The following ANKDD1B variants were observed in gnomAD, a reference collection of about 807,000 sequenced individuals.
The protein encoded by ANKDD1B is ankyrin repeat and death domain containing 1B.
In ANKDD1B, 57 loss-of-function variants were observed where a neutral mutation model predicts 59.7. That is an observed-to-expected ratio of 0.95 (90% CI 0.77 to 1.19). The LOEUF is 1.19. Among genes scored for constraint, ANKDD1B ranks in the 50% most tolerant of loss-of-function variants. ANKDD1B has a pLI of 0.00. For missense variants in ANKDD1B, 602 were observed against 641.9 expected, an observed-to-expected ratio of 0.94 and a Z score of 0.67; for synonymous variants, 216 against 239.5, an observed-to-expected ratio of 0.90 and a Z score of 0.91.
intron 10 of ANKDD1B, among the ~76,000 whole-genome samples, chr5:75,662,408 C>T (rs566335461): frequency 2.6e-5 from 4 of 152,252 alleles, no homozygotes; most frequent in African/African-American, 9.6e-5. Context: ...GTGGGAATCG[C>T]ACTTGTTGCA....
intron 7 of ANKDD1B, among the ~76,000 whole-genome samples, chr5:75,639,238 C>A (rs1178807359): frequency 6.6e-6 from 1 of 152,072 alleles, no homozygotes; most frequent in African/African-American, 2.4e-5. Context: ...CTCTTGTTGC[C>A]CAGGCGGGAG....
intron 10 of ANKDD1B, 85 bp from the exon 11 acceptor site, chr5:75,663,309 T>C (rs1294325430): frequency 9.8e-7 from 1 of 1,015,254 alleles, no homozygotes; most frequent in Non-Finnish European, 1.5e-6. Flanking sequence ...GAATCAAGAT[T>C]TGAACCGAGG....
rs532123521 is a variant in ANKDD1B at position 75,655,967 on chromosome 5, T to C, written c.898-62T>C. ...GGAAATAGCTGCTGAAATGAGTTGC[T>C]TTTTGATTTGAATGTTGAAGCCAGA... is the stretch of plus-strand genomic sequence containing the variant. On this transcript the variant is annotated intron_variant, in intron 8 of 13. Coordinates refer to ENST00000601380, the MANE Select transcript of ANKDD1B (RefSeq NM_001276713.2). 1.4e-5 allele frequency: 11 copies of C among 763,444 alleles called. No individual in the cohort carries two copies. The East Asian group carries it at 2.7e-4, about 19-fold the overall frequency. 47.3% of individuals were successfully genotyped at this position (763,444 alleles called of 1,614,324 possible).
intron 3 of ANKDD1B, among the ~76,000 whole-genome samples, chr5:75,622,462 G>C (rs1338019528): frequency 6.6e-6 from 1 of 152,162 alleles, no homozygotes; most frequent in Non-Finnish European, 1.5e-5. Context: ...TACCATTCAA[G>C]GCACTGCATG....
chr5:75,654,803 C>G (rs1378058628), intron 8 of ANKDD1B, among the ~76,000 whole-genome samples: 1 of 152,130 alleles, frequency 6.6e-6, no homozygotes, highest in African/African-American at 2.4e-5. Flanking sequence ...GCGACGCTGC[C>G]CTTGTCCTAA....
At chr5:75,652,840 C>A (rs187663177) in intron 7 of ANKDD1B, among the ~76,000 whole-genome samples, 4 of 152,224 alleles carry the variant, frequency 2.6e-5, no homozygotes. Flanking sequence ...GTGTACTTAC[C>A]CAAACCTAGA....
Position 75,620,418 on chromosome 5 carries a change from G to T in ANKDD1B, c.396+5G>T, listed in dbSNP as rs1269929501. On this transcript the variant is annotated splice_donor_5th_base_variant and intron_variant, in intron 3 of 13. Transcript: ENST00000601380. Reference sequence around the variant, plus strand: ...AGGGTGGATGTTGCTGATAAGGTAAGCTCATCTTGAGTAGAACAAGTTGGA... The same window carrying T: ...AGGGTGGATGTTGCTGATAAGGTAATCTCATCTTGAGTAGAACAAGTTGGA... The T allele has an allele frequency of 3.3e-6, 5 of 1,505,292 alleles. No individual in the cohort carries two copies. The highest frequency in any genetic ancestry group is 3.6e-6 in the Non-Finnish European group (4 of 1,119,712). 93.2% of individuals were successfully genotyped at this position (1,505,292 alleles called of 1,614,324 possible).
chr5:75,635,948 A>G, intron 7 of ANKDD1B, 66 bp downstream of exon 7: 1 of 1,016,930 alleles, frequency 9.8e-7, no homozygotes, highest in South Asian at 1.6e-5. Context: ...ATGGCTTTCA[A>G]GAAAAGAGTG....
chr5:75,633,075 G>T lies in ANKDD1B; in HGVS notation c.601-1823G>T, dbSNP rs527813007. Among the ~76,000 whole-genome samples the T allele has an allele frequency of 5.9e-5, 9 of 152,298 alleles. No individual in the cohort carries two copies. In the South Asian group the frequency reaches 1.9e-3, roughly 32 times the overall value. ...CAGATATTGATATATCAAACACAAT[G>T]ATTTTTGGTCTGTCATTTCCAAAGA... On this transcript the variant is annotated intron_variant, in intron 5 of 13. Transcript: ENST00000601380.
rs889071082 is a variant in ANKDD1B, at chr5:75,655,983, T to C, written c.898-46T>C. 9.1e-6 allele frequency: 8 copies of C among 876,676 alleles called. No homozygotes were observed. In the African/African-American group the frequency reaches 1.4e-4, roughly 15 times the overall value. 54.3% of individuals were successfully genotyped at this position (876,676 alleles called of 1,614,324 possible). A position where few individuals can be genotyped will look rare whatever the true frequency, so the allele number is the denominator to read the frequency against. On this transcript the variant is annotated intron_variant, in intron 8 of 13. Coordinates refer to ENST00000601380, the MANE Select transcript of ANKDD1B (RefSeq NM_001276713.2). ...ATGAGTTGCTTTTTGATTTGAATGTTGAAGCCAGAACCTTCTGGATTTGAA... is the reference window on the plus strand; with the variant it reads ...ATGAGTTGCTTTTTGATTTGAATGTCGAAGCCAGAACCTTCTGGATTTGAA...
At position 75,635,791 on chromosome 5, in the gene ANKDD1B, A is replaced by T; in HGVS notation, c.707A>T (p.Asn236Ile). Residue 236 changes from asparagine (N) to isoleucine (I), a missense_variant, in exon 7 of 14, where the codon AAC (asparagine) becomes ATC (isoleucine). By Grantham distance (149) the Asn-to-Ile change is moderately radical (BLOSUM62 -3). Around this residue, in one of 3 missense-constraint regions of ANKDD1B, gnomAD observed 317 missense variants for 304.6 expected, o/e 1.04. Coordinates refer to ENST00000601380, the MANE Select transcript of ANKDD1B (RefSeq NM_001276713.2). ...AGTGTGTCTCTGTTGCAGGGGGGAA[A>T]CACTGCCTTGCACCTCGCTGCGAAG... is the stretch of plus-strand genomic sequence containing the variant. ...LHTSEKDKGG[N>I]TALHLAAKHG... The T allele has an allele frequency of 1.3e-6, 2 of 1,529,834 alleles. No homozygotes were observed. Among genetic ancestry groups the T allele is most frequent in the Non-Finnish European group, 1.8e-6 (2 of 1,141,952 alleles). 94.8% of individuals were successfully genotyped at this position (1,529,834 alleles called of 1,614,324 possible). A position where few individuals can be genotyped will look rare whatever the true frequency, so the allele number is the denominator to read the frequency against.
At chr5:75,653,334 G>A in intron 8 of ANKDD1B, 94 bp downstream of exon 8, 1 of 813,282 alleles carries the variant, frequency 1.2e-6, no homozygotes, top group African/African-American at 1.7e-5. Context: ...TAGGAGATGA[G>A]ATGTTTCACA....
intron 7 of ANKDD1B, among the ~76,000 whole-genome samples, chr5:75,650,816 G>A (rs1394082850): frequency 6.6e-6 from 1 of 152,168 alleles, no homozygotes; most frequent in Non-Finnish European, 1.5e-5. Flanking sequence ...ATGGCTCTGT[G>A]GGTTGACTGG....
chr5:75,620,176 CA>C (rs1409920921), intron 2 of ANKDD1B, 138 bp from the exon 3 acceptor site: 1 of 573,010 alleles, frequency 1.7e-6, no homozygotes, highest in African/African-American at 1.9e-5. Context: ...TCATAACTTT[CA>C]AAGGTAAAGG....
At chr5:75,614,410 T>C (rs1773660231) in intron 1 of ANKDD1B, among the ~76,000 whole-genome samples, 1 of 152,176 alleles carries the variant, frequency 6.6e-6, no homozygotes, top group Non-Finnish European at 1.5e-5. Flanking sequence ...GAAGATATTA[T>C]CTCTGTCTGT....
At chr5:75,625,573 CT>C in intron 3 of ANKDD1B, 73 bp from the exon 4 acceptor site, 4 of 1,134,006 alleles carry the variant, frequency 3.5e-6, no homozygotes, top group Non-Finnish European at 3.8e-6. Flanking sequence ...TTAATTTGGC[CT>C]TTGTTGATGA....
chr5:75,634,452 G>A (rs1211484549), intron 5 of ANKDD1B, among the ~76,000 whole-genome samples: 1 of 152,206 alleles, frequency 6.6e-6, no homozygotes, highest in Non-Finnish European at 1.5e-5. Flanking sequence ...ATGTCTGAAT[G>A]AGCCACATAA....
At chr5:75,638,230 T>A (rs1404327712) in intron 7 of ANKDD1B, among the ~76,000 whole-genome samples, 1 of 152,232 alleles carries the variant, frequency 6.6e-6, no homozygotes, top group East Asian at 1.9e-4. Flanking sequence ...GTGGATTTCA[T>A]CTTCCTTTTA....
intron 7 of ANKDD1B, among the ~76,000 whole-genome samples, chr5:75,638,179 C>G (rs901746364): frequency 6.6e-6 from 1 of 152,120 alleles, no homozygotes; most frequent in African/African-American, 2.4e-5. Context: ...TTTCCCTGTT[C>G]TATTAAAACA....
Sources: allele counts gnomAD v4.1 joint callset (sites outside exome capture counted in the v4.1 genomes callset), GRCh38; gene constraint gnomAD v4.1.1; regional missense constraint gnomAD v4.1.1; transcripts MANE v1.5; gene names NCBI Gene and HGNC (gene_info 2026-07-23, HGNC 2026-07-21).